The following PSD3 variants were observed in gnomAD, a reference collection of about 807,000 sequenced individuals.
PSD3 encodes the protein PH and SEC7 domain-containing protein 3.
In PSD3, 49 loss-of-function variants were observed where a neutral mutation model predicts 105.5. That is an observed-to-expected ratio of 0.46 (90% confidence interval 0.37 to 0.59). The LOEUF is 0.59. Ranked by LOEUF, PSD3 falls within the 20% of genes least tolerant of loss-of-function variation. The pLI is 0.00. For synonymous variants in PSD3, 557 were observed against 457.8 expected, an observed-to-expected ratio of 1.22 and a Z score of -2.77; for missense variants, 1,561 against 1,263.8, an observed-to-expected ratio of 1.24 and a Z score of -3.57.
At chr8:18,999,076 G>C (rs912118288) in intron 1 of PSD3, among the ~76,000 whole-genome samples, 6 of 151,994 alleles carry the variant, frequency 3.9e-5, no homozygotes, top group African/African-American at 1.5e-4. Context: ...AAGCAGCTTT[G>C]TACACAACAT....
intron 10 of PSD3, among the ~76,000 whole-genome samples, chr8:18,640,749 A>C (rs560222288): frequency 1.3e-5 from 2 of 152,328 alleles, no homozygotes; most frequent in South Asian, 2.1e-4. Context: ...AGATGGCAGA[A>C]GAAAGCCCTG....
At chr8:19,074,314 C>A (rs1742577552) in intron 1 of PSD3, among the ~76,000 whole-genome samples, 1 of 152,008 alleles carries the variant, frequency 6.6e-6, no homozygotes, top group African/African-American at 2.4e-5. Flanking sequence ...GCCATCACTG[C>A]CTGGCACCTG....
chr8:19,036,768 C>T (rs767306458), intron 1 of PSD3, among the ~76,000 whole-genome samples: 4 of 152,244 alleles, frequency 2.6e-5, no homozygotes, highest in East Asian at 1.9e-4. Context: ...TATCTCATTG[C>T]CAGTCATTGA....
rs955420057 is a variant in PSD3 at position 18,535,609 on chromosome 8, T to C, written c.*134A>G. ...ATCTGTACAGAAACTAACAAAAATA[T>C]ACAATAGAAAAAATTACTAATGCAC... On this transcript the variant is annotated 3_prime_UTR_variant, in exon 16 of 16. Transcript: ENST00000327040. The C allele has an allele frequency of 9.2e-6, 7 of 760,792 alleles. No individual in the cohort carries two copies. The highest frequency in any genetic ancestry group is 3.5e-5 in the African/African-American group (2 of 56,582). The allele number at this position is 760,792 out of a possible 1,614,324, so 47.1% of individuals were successfully genotyped here.
At chr8:18,828,286 A>G (rs1442998563) in intron 4 of PSD3, among the ~76,000 whole-genome samples, 1 of 151,738 alleles carries the variant, frequency 6.6e-6, no homozygotes, top group Non-Finnish European at 1.5e-5. Flanking sequence ...AAATCCACCC[A>G]AAAAATGACT....
intron 12 of PSD3, among the ~76,000 whole-genome samples, chr8:18,575,900 T>C (rs1414418902): frequency 6.6e-6 from 1 of 151,998 alleles, no homozygotes; most frequent in African/African-American, 2.4e-5. Flanking sequence ...AACTGAAAAA[T>C]AGGTAAATGC....
chr8:19,064,561 A>G (rs1829014472), intron 1 of PSD3, among the ~76,000 whole-genome samples: 2 of 152,192 alleles, frequency 1.3e-5, no homozygotes, highest in South Asian at 2.1e-4. Flanking sequence ...AGGGAGAAAC[A>G]TTCTAATAAT....
intron 9 of PSD3, among the ~76,000 whole-genome samples, chr8:18,710,205 T>C (rs778636133): frequency 4.6e-5 from 7 of 151,754 alleles, no homozygotes; most frequent in Non-Finnish European, 4.4e-5. Context: ...CAACCATGAG[T>C]ATCAATAGCC....
At chr8:18,539,016 A>G (rs1799995612) in intron 15 of PSD3, among the ~76,000 whole-genome samples, 1 of 152,230 alleles carries the variant, frequency 6.6e-6, no homozygotes, top group African/African-American at 2.4e-5. Context: ...GACTTAAAAA[A>G]GGCTTATAGG....
chr8:18,533,766 G>C lies in PSD3; in HGVS notation c.*1977C>G, dbSNP rs1384751253. On this transcript the variant is annotated 3_prime_UTR_variant, in exon 16 of 16. Transcript: ENST00000327040. ...ATTTAGATTATCAGGTAGAAAGACA[G>C]ATAACTTGCTTGTGGATATGTTGGA... 3.3e-5 allele frequency: 5 copies of C among 152,140 alleles called. No individual in the cohort carries two copies. Among genetic ancestry groups the C allele is most frequent in the African/African-American group, 1.2e-4 (5 of 41,422 alleles). 9.4% of individuals were successfully genotyped at this position (152,140 alleles called of 1,614,324 possible). A position where few individuals can be genotyped will look rare whatever the true frequency, so the allele number is the denominator to read the frequency against.
intron 9 of PSD3, among the ~76,000 whole-genome samples, chr8:18,698,329 G>A (rs1801378181): frequency 6.6e-6 from 1 of 152,026 alleles, no homozygotes; most frequent in Non-Finnish European, 1.5e-5. Flanking sequence ...ACGTTGCCCA[G>A]GTTGGTCTCT....
At chr8:18,588,169 G>C (rs1803335661) in intron 12 of PSD3, among the ~76,000 whole-genome samples, 1 of 152,138 alleles carries the variant, frequency 6.6e-6, no homozygotes, top group Non-Finnish European at 1.5e-5. Flanking sequence ...AAGAGGGAGT[G>C]GCATTTCCAG....
chr8:18,706,353 AT>A (rs1801898071), intron 9 of PSD3, among the ~76,000 whole-genome samples: 1 of 152,200 alleles, frequency 6.6e-6, no homozygotes, highest in Admixed American at 6.5e-5. Flanking sequence ...TTGCTTATTT[AT>A]ATTTCCTAAT....
chr8:18,867,191 A>C (rs1171590651), intron 4 of PSD3, among the ~76,000 whole-genome samples: 2 of 152,218 alleles, frequency 1.3e-5, no homozygotes, highest in African/African-American at 4.8e-5. Flanking sequence ...AGGAACAGGA[A>C]GACAGAACAG....
At chr8:18,851,185 T>C (rs552371446) in intron 4 of PSD3, among the ~76,000 whole-genome samples, 1 of 152,352 alleles carries the variant, frequency 6.6e-6, no homozygotes, top group African/African-American at 2.4e-5. Flanking sequence ...CCCATAGTTA[T>C]TTTGTTTCAT....
chr8:18,784,491 A>G (rs1563263717), intron 8 of PSD3, among the ~76,000 whole-genome samples: 1 of 152,132 alleles, frequency 6.6e-6, no homozygotes, highest in Non-Finnish European at 1.5e-5. Context: ...ATGAGCTCAT[A>G]CAGGTTAAGG....
At chr8:18,759,709 A>G (rs147519741) in intron 9 of PSD3, among the ~76,000 whole-genome samples, 1 of 152,288 alleles carries the variant, frequency 6.6e-6, no homozygotes, top group African/African-American at 2.4e-5. Flanking sequence ...TCTACAGTCT[A>G]GATGTCTCTT....
chr8:18,926,687 T>G (rs549509765), intron 2 of PSD3, among the ~76,000 whole-genome samples: 1 of 152,150 alleles, frequency 6.6e-6, no homozygotes, highest in Non-Finnish European at 1.5e-5. Context: ...AACACACAGA[T>G]AAGCAATTTT....
rs1360421505 is a variant in PSD3, at chr8:18,642,561, C to T, written c.2217-9755G>A. Among the ~76,000 whole-genome samples the T allele has an allele frequency of 7.9e-5, 12 of 152,062 alleles. 1 individual carries two copies. The highest frequency in any genetic ancestry group is 7.9e-4 in the Admixed American group (12 of 15,264). On this transcript the variant is annotated intron_variant, in intron 10 of 15. Transcript: ENST00000327040. ...TAAGAAAAATGCTTTCTTTACATCC[C>T]AGCCTCCATAATTCTTTGCTCCTCA... is the stretch of plus-strand genomic sequence containing the variant.
Sources: allele counts gnomAD v4.1 joint callset (sites outside exome capture counted in the v4.1 genomes callset), GRCh38; gene constraint gnomAD v4.1.1; transcripts MANE v1.5; gene names NCBI Gene and HGNC (gene_info 2026-07-23, HGNC 2026-07-21).